The following DENND1A variants were observed in gnomAD, a reference collection of about 807,000 sequenced individuals.
The protein encoded by DENND1A is DENN domain-containing protein 1A.
DENND1A carries 51 observed loss-of-function variants against 113.7 expected under a neutral mutation model. The ratio of observed to expected loss-of-function variants is 0.45; its 90% CI spans 0.36 to 0.57. The LOEUF is 0.57. Among genes scored for constraint, DENND1A ranks in the 20% least tolerant of loss-of-function variants. The pLI, the probability that DENND1A is intolerant of heterozygous loss-of-function variation, is 0.00. For synonymous variants in DENND1A, 565 were observed against 570.8 expected (o/e 0.99, Z 0.14); for missense variants, 1,258 against 1,395.9 (o/e 0.90, Z 1.57).
intron 5 of DENND1A, among the ~76,000 whole-genome samples, chr9:123,748,834 C>A (rs1380637768): frequency 6.6e-6 from 1 of 152,136 alleles, no homozygotes; most frequent in Non-Finnish European, 1.5e-5. Context: ...AATGCTTTTT[C>A]ATCTCCCAAA....
intron 13 of DENND1A, among the ~76,000 whole-genome samples, chr9:123,471,194 C>A (rs1442093005): frequency 3.3e-5 from 5 of 152,142 alleles, no homozygotes; most frequent in Non-Finnish European, 5.9e-5. Flanking sequence ...ATGGGAGAGT[C>A]GGGAACAGTG....
intron 13 of DENND1A, among the ~76,000 whole-genome samples, chr9:123,481,471 G>C (rs1023541701): frequency 6.6e-6 from 1 of 152,212 alleles, no homozygotes; most frequent in Admixed American, 6.5e-5. Context: ...CGAAGAGGCC[G>C]TCCTTCACTC....
chr9:123,660,592 C>T (rs1032328185), intron 8 of DENND1A, among the ~76,000 whole-genome samples: 1 of 151,850 alleles, frequency 6.6e-6, no homozygotes, highest in Non-Finnish European at 1.5e-5. Flanking sequence ...TGAACCTAAC[C>T]TAGGCAATCA....
chr9:123,667,297 G>A (rs73580149), intron 7 of DENND1A, among the ~76,000 whole-genome samples: 5,533 of 152,206 alleles, frequency 0.036, 366 homozygotes, highest in African/African-American at 0.13. Context: ...TTCTATGAGA[G>A]GAGAACTTCT....
intron 13 of DENND1A, among the ~76,000 whole-genome samples, chr9:123,548,299 C>G (rs553916994): frequency 2.0e-5 from 3 of 152,316 alleles, no homozygotes; most frequent in African/African-American, 7.2e-5. Context: ...CTGCAGTCCC[C>G]TTTACACTCC....
chr9:123,513,232 G>A lies in DENND1A; in HGVS notation c.993+44338C>T, dbSNP rs552279848. On this transcript the variant is annotated intron_variant, in intron 13 of 23. Transcript: ENST00000394215. ...CTCCTTGTTCACCCCACACCCACAC[G>A]AGAATCAGCCTGGCACACTGAATGG... 3.9e-5 allele frequency among the ~76,000 whole-genome samples: 6 copies of A among 152,290 alleles called. No individual in the cohort carries two copies. In the East Asian group the frequency reaches 1.2e-3, roughly 29 times the overall value.
intron 5 of DENND1A, among the ~76,000 whole-genome samples, chr9:123,719,409 C>T (rs745327188): frequency 1.3e-4 from 20 of 152,190 alleles, no homozygotes; most frequent in Non-Finnish European, 2.6e-4. Flanking sequence ...ATGACAATCA[C>T]GAAGAGAACT....
chr9:123,499,829 C>T (rs188351437), intron 13 of DENND1A, among the ~76,000 whole-genome samples: 15 of 152,316 alleles, frequency 9.8e-5, no homozygotes, highest in Admixed American at 9.8e-4. Flanking sequence ...TCTTCCGGCT[C>T]ACAGCAAACG....
intron 19 of DENND1A, among the ~76,000 whole-genome samples, chr9:123,432,131 C>T (rs962182702): frequency 5.3e-5 from 8 of 152,220 alleles, no homozygotes; most frequent in Admixed American, 3.9e-4. Flanking sequence ...GAGGAGGACA[C>T]GCTGAATGCC....
At chr9:123,728,506 A>ACAAAAAAAAAAAACAAAAAAAC (rs1396086030) in intron 5 of DENND1A, among the ~76,000 whole-genome samples, 1 of 145,814 alleles carries the variant, frequency 6.9e-6, no homozygotes, top group African/African-American at 2.7e-5. Context: ...AAAAAAAAAA[A>ACAAAAAAAAAAAACAAAAAAAC]AAAACAGGCA....
intron 13 of DENND1A, among the ~76,000 whole-genome samples, chr9:123,526,166 C>T (rs1458365365): frequency 1.1e-5 from 1 of 94,368 alleles, no homozygotes; most frequent in Admixed American, 1.1e-4. Context: ...CACACCTGCA[C>T]ATGTGCACAC....
chr9:123,904,222 C>T (rs1030879345), intron 1 of DENND1A, among the ~76,000 whole-genome samples: 3 of 152,122 alleles, frequency 2.0e-5, no homozygotes, highest in Non-Finnish European at 4.4e-5. Flanking sequence ...ATCTGTACAT[C>T]ACCATCATCA....
intron 19 of DENND1A, among the ~76,000 whole-genome samples, chr9:123,419,585 T>C (rs983449193): frequency 2.6e-5 from 4 of 152,176 alleles, no homozygotes; most frequent in Admixed American, 1.3e-4. Context: ...ACAGACCCGG[T>C]TGGGAGGGAA....
chr9:123,554,380 C>A (rs2057305118), intron 13 of DENND1A, among the ~76,000 whole-genome samples: 1 of 152,082 alleles, frequency 6.6e-6, no homozygotes, highest in Non-Finnish European at 1.5e-5. Flanking sequence ...GATACTACAT[C>A]CAGCTAATTT....
At chr9:123,747,533 T>C (rs2069618561) in intron 5 of DENND1A, among the ~76,000 whole-genome samples, 1 of 152,136 alleles carries the variant, frequency 6.6e-6, no homozygotes, top group African/African-American at 2.4e-5. Context: ...TTGCATAAGA[T>C]CACTGGTAGA....
Position 123,588,306 on chromosome 9 carries a change from T to TA in DENND1A, c.766-5037_766-5036insT, listed in dbSNP as rs1190013420. Among the ~76,000 whole-genome samples, 290 of 114,090 alleles carry TA rather than the reference T, an allele frequency of 2.5e-3. 1 individual carries two copies. The highest frequency in any genetic ancestry group is 8.8e-3 in the African/African-American group (280 of 31,784). 74.8% of individuals were successfully genotyped at this position (114,090 alleles called of 152,430 possible). ...CTCAAAAAAAAAAAAAAAAAAAAAA[T>TA]TATAGATGCCTACTATTAAAAAATG... On this transcript the variant is annotated intron_variant, in intron 11 of 23. Coordinates refer to ENST00000394215, the MANE Select transcript of DENND1A (RefSeq NM_001352964.2).
intron 2 of DENND1A, among the ~76,000 whole-genome samples, chr9:123,850,866 C>T (rs1009777858): frequency 4.0e-5 from 6 of 151,592 alleles, no homozygotes; most frequent in Admixed American, 1.3e-4. Flanking sequence ...GTATTTAAGT[C>T]CCAAATGATA....
chr9:123,858,097 T>C (rs926589192), intron 2 of DENND1A, among the ~76,000 whole-genome samples: 4 of 151,798 alleles, frequency 2.6e-5, no homozygotes, highest in Non-Finnish European at 4.4e-5. Flanking sequence ...AAAGAAACAT[T>C]AAATAAACTA....
rs685226 is a variant in DENND1A at position 123,902,567 on chromosome 9, T to C, written c.18-23546A>G. Among the ~76,000 whole-genome samples the C allele has an allele frequency of 3.6e-3, 553 of 152,244 alleles. 1 individual carries two copies. Among genetic ancestry groups the C allele is most frequent in the African/African-American group, 0.012 (519 of 41,546 alleles). On this transcript the variant is annotated intron_variant, in intron 1 of 23. Transcript: ENST00000394215. ...CCTGTGGCAAAACAGCAAATCTAGA[T>C]AGAGCTCTCCTTACTCAAGAAAGCA...
Sources: allele counts gnomAD v4.1 joint callset (sites outside exome capture counted in the v4.1 genomes callset), GRCh38; gene constraint gnomAD v4.1.1; transcripts MANE v1.5; gene names NCBI Gene and HGNC (gene_info 2026-07-23, HGNC 2026-07-21).